C14orf39: variants seen among roughly 807,000 people sequenced by gnomAD.
C14orf39 encodes the protein protein SIX6OS1.
Under a neutral mutation model 85.6 loss-of-function variants are expected in C14orf39, and 66 were observed. The observed-to-expected ratio is 0.77, with a 90% CI of 0.63 to 0.95. The LOEUF is 0.95. Ranked by LOEUF, C14orf39 falls within the 40% of genes least tolerant of loss-of-function variation. The pLI is 0.00. For synonymous variants in C14orf39, 242 were observed against 214.0 expected (o/e 1.13, Z -1.14); for missense variants, 735 against 663.9 (o/e 1.11, Z -1.18).
chr14:60,456,222 C>T (rs951055587), intron 15 of C14orf39, among the ~76,000 whole-genome samples: 4 of 151,988 alleles, frequency 2.6e-5, no homozygotes, highest in Admixed American at 2.0e-4. Context: ...TTAAGTGCAG[C>T]ACTATTTTCT....
In C14orf39 at chr14:60,468,474, AT is replaced by A; in HGVS notation, c.737del (p.Asn246IlefsTer8). The A allele has an allele frequency of 6.3e-7, 1 of 1,596,812 alleles. No individual in the cohort carries two copies. Among genetic ancestry groups the A allele is most frequent in the Non-Finnish European group, 8.5e-7 (1 of 1,170,356 alleles). On this transcript the variant is annotated frameshift_variant, in exon 9 of 18. Transcript: ENST00000321731. LOFTEE classifies it high-confidence loss of function. The stretch of plus-strand genomic sequence containing the variant: ...CTTTCAGTTCTTTTCTGTTTTCTGT[AT>A]TTTTGTTCTTTTCTTCCAGAGTTTC... ...LSETLEEKNKNTENRKELKER... is the reference protein window; with the variant it reads ...LSETLEEKNKXTENRKELKER...
At position 60,483,711 on chromosome 14, in the gene C14orf39, C is replaced by T; in HGVS notation, c.213G>A (p.Glu71=). The change falls in exon 4 of 18, where the codon GAG becomes GAA. Residue 71 remains glutamate (E), a synonymous_variant. Coordinates refer to ENST00000321731, the MANE Select transcript of C14orf39 (RefSeq NM_174978.3). ...EIDHYCKHSE[E]IKDNCRNWKP... ...CTCACTTTCTACAGTTGTCTTTAATCTCCTCACTATGTTTACAGTAATGAT... is the reference window on the plus strand; with the variant it reads ...CTCACTTTCTACAGTTGTCTTTAATTTCCTCACTATGTTTACAGTAATGAT... 2.5e-6 allele frequency: 4 copies of T among 1,593,284 alleles called. No individual in the cohort carries two copies. The highest frequency in any genetic ancestry group is 3.4e-6 in the Non-Finnish European group (4 of 1,169,290).
At position 60,515,406 on chromosome 14, in the gene C14orf39, A is replaced by T. The variant is rs1402310756; in HGVS notation, c.-155T>A. On this transcript the variant is annotated 5_prime_UTR_variant, in exon 1 of 6. Transcript: ENST00000556799. The surrounding 1 kb of genome is among the most constrained non-coding windows in gnomAD (Gnocchi z 6.2). The stretch of plus-strand genomic sequence containing the variant: ...TTTCGCGCACCCACCTTTTCCATCC[A>T]GCGCCCCGCGAACTCGCGGACGTGT... 2 of 151,840 alleles carry T rather than the reference A, an allele frequency of 1.3e-5. No individual in the cohort carries two copies. Among genetic ancestry groups the T allele is most frequent in the Admixed American group, 1.3e-4 (2 of 15,270 alleles). The allele number at this position is 151,840 out of a possible 1,614,324, so 9.4% of individuals were successfully genotyped here.
At chr14:60,478,677 G>A (rs191587780) in intron 4 of C14orf39, among the ~76,000 whole-genome samples, 86 of 152,132 alleles carry the variant, frequency 5.7e-4, no homozygotes, top group Non-Finnish European at 1.0e-3. Flanking sequence ...TATTGCTATT[G>A]CATTTCTATT....
intron 16 of C14orf39, among the ~76,000 whole-genome samples, chr14:60,447,517 C>G (rs1890827720): frequency 6.6e-6 from 1 of 152,138 alleles, no homozygotes; most frequent in African/African-American, 2.4e-5. Context: ...AGGAGAACTA[C>G]AAACCACTGC....
chr14:60,449,994 A>C (rs964099741), intron 16 of C14orf39, among the ~76,000 whole-genome samples: 1 of 152,140 alleles, frequency 6.6e-6, no homozygotes, highest in Non-Finnish European at 1.5e-5. Context: ...CCACTGACTA[A>C]AGAGCCCTTG....
At chr14:60,453,426 C>G (rs573102261) in intron 16 of C14orf39, among the ~76,000 whole-genome samples, 1 of 151,662 alleles carries the variant, frequency 6.6e-6, no homozygotes, top group South Asian at 2.1e-4. Context: ...TACTGTCAAC[C>G]CGTCTTTGCC....
intron 17 of C14orf39, among the ~76,000 whole-genome samples, chr14:60,438,917 T>C (rs552377043): frequency 3.9e-5 from 6 of 152,218 alleles, no homozygotes; most frequent in African/African-American, 1.2e-4. Context: ...GGGGGATGAA[T>C]AGAGACTGGT....
At chr14:60,475,833 AT>A (rs1271952789) in intron 5 of C14orf39, among the ~76,000 whole-genome samples, 2 of 152,280 alleles carry the variant, frequency 1.3e-5, no homozygotes, top group South Asian at 2.1e-4. Flanking sequence ...TTTCAAAAAA[AT>A]TCGTAGAAAA....
chr14:60,454,157 T>TGTC (rs1891158742), intron 16 of C14orf39, among the ~76,000 whole-genome samples: 3 of 139,964 alleles, frequency 2.1e-5, no homozygotes, highest in Non-Finnish European at 4.8e-5. Context: ...TATAGTACTA[T>TGTC]ATCATCCATC....
rs147197274 is a variant in C14orf39 at position 60,485,674 on chromosome 14, C to A, written c.-9+271G>T. ...GCCCCTCAGAGCCCAGGAACCACAG[C>A]CCGTGCGCCTCCCGCAGTGGGAGTT... On this transcript the variant is annotated intron_variant, in intron 1 of 17. Coordinates refer to ENST00000321731, the MANE Select transcript of C14orf39 (RefSeq NM_174978.3). Among the ~76,000 whole-genome samples, 616 of 152,274 alleles carry A rather than the reference C, an allele frequency of 4.0e-3. 7 individuals are homozygous for A. Among genetic ancestry groups the A allele is most frequent in the African/African-American group, 0.014 (586 of 41,566 alleles).
Position 60,440,666 on chromosome 14 carries a change from C to T in C14orf39, c.1561+1408G>A, listed in dbSNP as rs552630651. On this transcript the variant is annotated intron_variant, in intron 17 of 17. Coordinates refer to ENST00000321731, the MANE Select transcript of C14orf39 (RefSeq NM_174978.3). The stretch of plus-strand genomic sequence containing the variant: ...ATTTCAGTCCTTTACTTAAAACCTT[C>T]CAGAGGTTTCCCATTTCACTCAGAA... Among the ~76,000 whole-genome samples, 6 of 152,260 alleles carry T rather than the reference C, an allele frequency of 3.9e-5. No homozygotes were observed. The East Asian group carries it at 9.7e-4, about 25-fold the overall frequency.
intron 7 of C14orf39, among the ~76,000 whole-genome samples, chr14:60,470,653 A>C (rs922071804): frequency 6.6e-6 from 1 of 152,078 alleles, no homozygotes; most frequent in East Asian, 1.9e-4. Flanking sequence ...ATGGGCAGCA[A>C]ATGAACAACA....
At chr14:60,471,959 T>G (rs928367169) in intron 5 of C14orf39, among the ~76,000 whole-genome samples, 1 of 151,992 alleles carries the variant, frequency 6.6e-6, no homozygotes, top group Non-Finnish European at 1.5e-5. Context: ...CTTAATTCTA[T>G]TCATTTTAAC....
At chr14:60,490,457 A>G (rs940144017), upstream of C14orf39, among the ~76,000 whole-genome samples, 5 of 100,694 alleles carry the variant, frequency 5.0e-5, no homozygotes, top group East Asian at 1.6e-3. Context: ...ATAAATGAAT[A>G]AATAAATAAA....
intron 1 of C14orf39, among the ~76,000 whole-genome samples, chr14:60,513,960 A>G (rs138046852): frequency 6.6e-6 from 1 of 152,358 alleles, no homozygotes; most frequent in East Asian, 1.9e-4. Context: ...TTCTGTTTCA[A>G]CAATCTGGAT....
chr14:60,475,128 G>GGA (rs1249611272), intron 5 of C14orf39, among the ~76,000 whole-genome samples: 2 of 152,082 alleles, frequency 1.3e-5, no homozygotes, highest in African/African-American at 4.8e-5. Flanking sequence ...TTTAGTCTTG[G>GGA]GAGAGTGTAT....
intron 16 of C14orf39, among the ~76,000 whole-genome samples, chr14:60,449,418 C>G (rs1890936339): frequency 6.6e-6 from 1 of 152,116 alleles, no homozygotes; most frequent in Admixed American, 6.6e-5. Context: ...AATTTGTAGT[C>G]TATCATTATC....
Position 60,467,035 on chromosome 14 carries a change from TC to T in C14orf39, c.776del (p.Gly259GlufsTer9), listed in dbSNP as rs753541501. On this transcript the variant is annotated frameshift_variant, in exon 10 of 18. Transcript: ENST00000321731. LOFTEE classifies it high-confidence loss of function. ...NRKELKERIFGKDEHVLTLNK... is the reference protein window; with the variant it reads ...NRKELKERIFXKDEHVLTLNK... ...TCAATGTAAGTACATGCTCATCTTT[TC>T]CAAAAATTCTAAAGAGAAAGGTGAA... 1 of 1,344,964 alleles carries T rather than the reference TC, an allele frequency of 7.4e-7. No individual in the cohort carries two copies. The highest frequency in any genetic ancestry group is 9.8e-7 in the Non-Finnish European group (1 of 1,018,996). 83.3% of individuals were successfully genotyped at this position (1,344,964 alleles called of 1,614,324 possible).
Sources: gnomAD v4.1 joint callset for allele counts (sites outside exome capture counted in the v4.1 genomes callset) on GRCh38, gnomAD v4.1.1 for gene constraint, Gnocchi (gnomAD v3.1) non-coding constraint, MANE v1.5 for transcripts, NCBI Gene and HGNC (gene_info 2026-07-23, HGNC 2026-07-21) for gene names.